Variants in KIAA0319L observed in about 807,000 individuals in gnomAD.
KIAA0319L encodes the protein KIAA0319 like.
In KIAA0319L, 55 loss-of-function variants were observed where a neutral mutation model predicts 120.1. The ratio of observed to expected loss-of-function variants is 0.46; its 90% confidence interval spans 0.37 to 0.57. The LOEUF is 0.57. Ranked by LOEUF, KIAA0319L falls within the 20% of genes least tolerant of loss-of-function variation. The pLI is 0.00. For missense variants in KIAA0319L, 1,049 were observed against 1,255.3 expected, an observed-to-expected ratio of 0.84 and a Z score of 2.48; for synonymous variants, 398 against 471.9, an observed-to-expected ratio of 0.84 and a Z score of 2.03.
intron 3 of KIAA0319L, among the ~76,000 whole-genome samples, chr1:35,489,577 G>C (rs765645036): frequency 1.3e-5 from 2 of 151,986 alleles, no homozygotes; most frequent in Non-Finnish European, 2.9e-5. Flanking sequence ...ACCCCCTTAA[G>C]TACTCAAGGG....
rs887243912 is a variant in KIAA0319L at position 35,506,178 on chromosome 1, A to G, written c.666+434T>C. On this transcript the variant is annotated intron_variant, in intron 3 of 20. Coordinates refer to ENST00000325722, the MANE Select transcript of KIAA0319L (RefSeq NM_024874.5). The surrounding 1 kb of genome is among the most constrained non-coding windows in gnomAD (Gnocchi z 4.0). The stretch of plus-strand genomic sequence containing the variant: ...CAGATCTTAATCTGTAGTACCAAGC[A>G]TGGTTAATTCTGACTGGAATAGAAA... Among the ~76,000 whole-genome samples, 2 of 152,226 alleles carry G rather than the reference A, an allele frequency of 1.3e-5. No individual in the cohort carries two copies. Among genetic ancestry groups the G allele is most frequent in the African/African-American group, 2.4e-5 (1 of 41,458 alleles).
rs142803013 is a variant in KIAA0319L at position 35,479,797 on chromosome 1, G to A, written c.667-585C>T. On this transcript the variant is annotated intron_variant, in intron 3 of 20. Coordinates refer to ENST00000325722, the MANE Select transcript of KIAA0319L (RefSeq NM_024874.5). ...CCATGCCTGTGGTCCCAGCTACTTG[G>A]GAGGCTGAGGTGGGAGAATCGCTTG... 6.0e-3 allele frequency among the ~76,000 whole-genome samples: 909 copies of A among 151,954 alleles called. 10 individuals carry two copies. The highest frequency in any genetic ancestry group is 0.021 in the African/African-American group (865 of 41,452).
intron 9 of KIAA0319L, among the ~76,000 whole-genome samples, chr1:35,456,621 G>A (rs962360507): frequency 6.6e-6 from 1 of 152,028 alleles, no homozygotes; most frequent in Admixed American, 6.6e-5. Flanking sequence ...AGACCAGCCT[G>A]GCCAACATGG....
At chr1:35,455,104 A>G (rs1459845121) in intron 10 of KIAA0319L, among the ~76,000 whole-genome samples, 1 of 152,196 alleles carries the variant, frequency 6.6e-6, no homozygotes, top group Non-Finnish European at 1.5e-5. Flanking sequence ...CAATGCAGGA[A>G]CTTCCTGTAG....
chr1:35,457,974 C>T (rs569768992), intron 9 of KIAA0319L, among the ~76,000 whole-genome samples: 2 of 152,292 alleles, frequency 1.3e-5, no homozygotes, highest in South Asian at 4.1e-4. Context: ...CTCGCTCTGT[C>T]GCCCAGGCTG....
chr1:35,555,929 A>C (rs752700096), intron 1 of KIAA0319L, among the ~76,000 whole-genome samples: 1 of 152,248 alleles, frequency 6.6e-6, no homozygotes, highest in Non-Finnish European at 1.5e-5. Flanking sequence ...CTTGCGTCTA[A>C]GAGAAAGGCA....
At chr1:35,438,367 G>A (rs917897137) in intron 20 of KIAA0319L, among the ~76,000 whole-genome samples, 1 of 151,910 alleles carries the variant, frequency 6.6e-6, no homozygotes, top group Non-Finnish European at 1.5e-5. Context: ...TCTCCCACAC[G>A]CCTTGGCCAG....
chr1:35,452,825 T>TCAAACAAACAAACAAA (rs34021272), intron 12 of KIAA0319L, among the ~76,000 whole-genome samples: 1 of 151,450 alleles, frequency 6.6e-6, no homozygotes, highest in African/African-American at 2.4e-5. Context: ...AATGCCTTTG[T>TCAAACAAACAAACAAA]CAAACAAACA....
At chr1:35,454,763 CAG>C in intron 10 of KIAA0319L, 2 of 454,918 alleles carry the variant, frequency 4.4e-6, no homozygotes, top group Non-Finnish European at 6.9e-6. Context: ...GGGAAATGTG[CAG>C]AGATTACCAA....
At position 35,470,843 on chromosome 1, in the gene KIAA0319L, G is replaced by A. The variant is rs776680892; in HGVS notation, c.1113+20C>T. The A allele has an allele frequency of 6.7e-7, 1 of 1,493,320 alleles. No homozygotes were observed. The allele number at this position is 1,493,320 out of a possible 1,614,324, so 92.5% of individuals were successfully genotyped here. A position where few individuals can be genotyped will look rare whatever the true frequency, so the allele number is the denominator to read the frequency against. ...CAACTCCTCTACCTTTGCCCTGCAA[G>A]TGAAAGGAGGCAAATTCACCTTCGA... On this transcript the variant is annotated intron_variant, in intron 6 of 20. Transcript: ENST00000325722.
chr1:35,441,928 C>T (rs186383456), intron 19 of KIAA0319L, among the ~76,000 whole-genome samples: 7 of 152,248 alleles, frequency 4.6e-5, no homozygotes, highest in Admixed American at 3.9e-4. Flanking sequence ...AAAGAAAACA[C>T]ACCTTACAGA....
chr1:35,456,220 A>G lies in KIAA0319L; in HGVS notation c.1449T>C (p.Asp483=). Reference sequence around the variant, plus strand: ...TTGCAGTAGTAGAGTTGGTAGCTCCATCAGAGTCTACTACAGTCAAGCTAT... The same window carrying G: ...TTGCAGTAGTAGAGTTGGTAGCTCCGTCAGAGTCTACTACAGTCAAGCTAT... ...YTFSLTVVDS[D]GATNSTTANL... is the part of the protein sequence containing the mutation. The change falls in exon 10 of 21, where the codon GAT becomes GAC. Residue 483 remains aspartate (D), a synonymous_variant. Transcript: ENST00000325722. 6.3e-7 allele frequency: 1 copy of G among 1,598,426 alleles called. No individual in the cohort carries two copies. Among genetic ancestry groups the G allele is most frequent in the South Asian group, 1.1e-5 (1 of 88,334 alleles).
At chr1:35,552,262 A>G (rs1017489838) in intron 2 of KIAA0319L, among the ~76,000 whole-genome samples, 4 of 152,148 alleles carry the variant, frequency 2.6e-5, no homozygotes, top group Admixed American at 6.5e-5. Flanking sequence ...GAATCACTTG[A>G]ACCTGGGAGA....
intron 2 of KIAA0319L, among the ~76,000 whole-genome samples, chr1:35,518,249 A>G (rs1011102847): frequency 2.0e-5 from 3 of 152,244 alleles, no homozygotes; most frequent in Admixed American, 1.3e-4. Context: ...TCATTCTACC[A>G]TAAGACACAT....
At chr1:35,511,316 A>G (rs1159363192) in intron 2 of KIAA0319L, 1 of 152,388 alleles carries the variant, frequency 6.6e-6, no homozygotes, top group East Asian at 1.9e-4. Context: ...AAATGTGGGA[A>G]AGCCTTCGGG....
intron 16 of KIAA0319L, 38 bp downstream of exon 16, chr1:35,448,135 G>A: frequency 6.5e-7 from 1 of 1,544,244 alleles, no homozygotes; most frequent in African/African-American, 1.4e-5. Context: ...GGGGGCCCCT[G>A]GTCTTTCCTT....
intron 7 of KIAA0319L, among the ~76,000 whole-genome samples, chr1:35,465,476 C>T (rs1018355304): frequency 3.3e-5 from 5 of 152,328 alleles, no homozygotes; most frequent in Admixed American, 2.0e-4. Context: ...GCCTGTACCC[C>T]CATTGTACCT....
At chr1:35,545,787 C>T (rs925480246) in intron 2 of KIAA0319L, among the ~76,000 whole-genome samples, 9 of 151,960 alleles carry the variant, frequency 5.9e-5, no homozygotes, top group African/African-American at 1.9e-4. Flanking sequence ...CCCAGCTACT[C>T]AGGAGGCTGA....
At chr1:35,462,546 A>G (rs1280160262) in intron 8 of KIAA0319L, 75 bp downstream of exon 8, 2 of 1,267,466 alleles carry the variant, frequency 1.6e-6, no homozygotes, top group Non-Finnish European at 2.3e-6. Context: ...CTGGCCCCAA[A>G]TCTTCTACTA....
Sources: allele counts gnomAD v4.1 joint callset (sites outside exome capture counted in the v4.1 genomes callset), GRCh38; gene constraint gnomAD v4.1.1; non-coding constraint Gnocchi (gnomAD v3.1); transcripts MANE v1.5; gene names NCBI Gene and HGNC (gene_info 2026-07-23, HGNC 2026-07-21).